Variants in SORCS3 observed in about 807,000 individuals in gnomAD.
SORCS3 encodes the protein sortilin related VPS10 domain containing receptor 3, also known as VPS10 domain-containing receptor SorCS3.
In SORCS3, 57 loss-of-function variants were observed where a neutral mutation model predicts 146.3. The observed-to-expected ratio is 0.39, with a 90% CI of 0.31 to 0.49. The LOEUF is 0.49. Among genes scored for constraint, SORCS3 ranks in the 20% least tolerant of loss-of-function variants. The pLI is 0.92. For missense variants in SORCS3, 1,341 were observed against 1,575.5 expected, an observed-to-expected ratio of 0.85 and a Z score of 2.52; for synonymous variants, 653 against 618.5, an observed-to-expected ratio of 1.06 and a Z score of -0.83.
At chr10:104,753,206 C>T (rs1301703221) in intron 1 of SORCS3, among the ~76,000 whole-genome samples, 1 of 152,122 alleles carries the variant, frequency 6.6e-6, no homozygotes, top group Non-Finnish European at 1.5e-5. Flanking sequence ...TTGGGTCTTC[C>T]CCACAGAAGA....
At chr10:104,941,791 T>C (rs2019322648) in intron 3 of SORCS3, among the ~76,000 whole-genome samples, 1 of 151,340 alleles carries the variant, frequency 6.6e-6, no homozygotes, top group Admixed American at 6.6e-5. Flanking sequence ...CCTCTTTCTC[T>C]TCTTGCTCTG....
At chr10:104,855,080 T>A (rs1279671615) in intron 2 of SORCS3, among the ~76,000 whole-genome samples, 1 of 152,184 alleles carries the variant, frequency 6.6e-6, no homozygotes, top group East Asian at 1.9e-4. Flanking sequence ...TACATATGAG[T>A]GCAGTTTATC....
intron 5 of SORCS3, among the ~76,000 whole-genome samples, chr10:105,046,847 C>T (rs147286357): frequency 3.6e-4 from 55 of 152,160 alleles, no homozygotes; most frequent in African/African-American, 1.3e-3. Context: ...TCACTTGATA[C>T]CTGGTCACCA....
At chr10:104,913,264 A>C (rs1392468479) in intron 2 of SORCS3, among the ~76,000 whole-genome samples, 2 of 152,144 alleles carry the variant, frequency 1.3e-5, no homozygotes, top group African/African-American at 2.4e-5. Flanking sequence ...AAGAGCATCA[A>C]ATTGGGGGAT....
chr10:104,926,089 G>A (rs553716878), intron 3 of SORCS3, among the ~76,000 whole-genome samples: 11 of 152,298 alleles, frequency 7.2e-5, no homozygotes, highest in African/African-American at 2.6e-4. Flanking sequence ...GTGGCTGCTG[G>A]GCCTCCCCTC....
intron 1 of SORCS3, among the ~76,000 whole-genome samples, chr10:104,841,711 C>T (rs1394258222): frequency 6.6e-6 from 1 of 151,876 alleles, no homozygotes; most frequent in Non-Finnish European, 1.5e-5. Context: ...AAAGTCCCAT[C>T]TCGGTAGCAG....
intron 1 of SORCS3, among the ~76,000 whole-genome samples, chr10:104,710,175 C>G (rs1402116385): frequency 6.6e-6 from 1 of 152,144 alleles, no homozygotes; most frequent in Non-Finnish European, 1.5e-5. Flanking sequence ...CCAACGTCTT[C>G]CCATCTTTCA....
intron 2 of SORCS3, among the ~76,000 whole-genome samples, chr10:104,875,202 C>G (rs1460082391): frequency 1.3e-5 from 2 of 152,186 alleles, no homozygotes; most frequent in Non-Finnish European, 2.9e-5. Flanking sequence ...TATTTCCAAG[C>G]CAAGAGTGTT....
chr10:105,014,998 T>C (rs2055156966), intron 4 of SORCS3, among the ~76,000 whole-genome samples: 1 of 152,198 alleles, frequency 6.6e-6, no homozygotes, highest in African/African-American at 2.4e-5. Flanking sequence ...GCAGTCTAAA[T>C]GGACTACGAC....
At chr10:105,176,531 C>T (rs184890797) in intron 13 of SORCS3, among the ~76,000 whole-genome samples, 1 of 151,732 alleles carries the variant, frequency 6.6e-6, no homozygotes, top group Non-Finnish European at 1.5e-5. Context: ...CCAGCCTGAG[C>T]AACAGAGTGA....
chr10:104,872,908 C>T (rs2018533400), intron 2 of SORCS3, among the ~76,000 whole-genome samples: 1 of 152,204 alleles, frequency 6.6e-6, no homozygotes, highest in African/African-American at 2.4e-5. Context: ...CATCATTTGC[C>T]ATGCGTGAAA....
chr10:104,963,229 G>C (rs757924716), intron 3 of SORCS3, among the ~76,000 whole-genome samples: 2 of 152,100 alleles, frequency 1.3e-5, no homozygotes, highest in Admixed American at 1.3e-4. Context: ...TAAGAGTCTC[G>C]TTCCATATTG....
At chr10:105,241,960 G>C (rs1490675186) in intron 20 of SORCS3, among the ~76,000 whole-genome samples, 1 of 152,052 alleles carries the variant, frequency 6.6e-6, no homozygotes, top group Non-Finnish European at 1.5e-5. Flanking sequence ...GCACCAAACA[G>C]GGAGAAAAGT....
intron 4 of SORCS3, among the ~76,000 whole-genome samples, chr10:105,012,399 G>T (rs1266936758): frequency 6.6e-6 from 1 of 152,160 alleles, no homozygotes; most frequent in Non-Finnish European, 1.5e-5. Flanking sequence ...TGGATGGTTT[G>T]TCAAGGTCTT....
chr10:104,761,419 A>G (rs2017121199), intron 1 of SORCS3, among the ~76,000 whole-genome samples: 1 of 152,196 alleles, frequency 6.6e-6, no homozygotes, highest in South Asian at 2.1e-4. Context: ...AGGCAAGAAA[A>G]TAGATACAGG....
rs1444821809 is a variant in SORCS3, at chr10:104,962,497, AG to A, written c.796-14834del. ...TTGGGGCAGCAGATTCTTACTCCAT[AG>A]GGGAGGTCAGTAACACCACTCCCTG... On this transcript the variant is annotated intron_variant, in intron 3 of 26. Transcript: ENST00000369701. 3.3e-5 allele frequency among the ~76,000 whole-genome samples: 5 copies of A among 152,122 alleles called. No individual in the cohort carries two copies. The East Asian group carries it at 9.6e-4, about 29-fold the overall frequency.
At chr10:105,161,089 A>G (rs2056258001) in intron 11 of SORCS3, among the ~76,000 whole-genome samples, 1 of 152,038 alleles carries the variant, frequency 6.6e-6, no homozygotes, top group South Asian at 2.1e-4. Context: ...GACATTAAAG[A>G]TTTATTTTTG....
intron 1 of SORCS3, among the ~76,000 whole-genome samples, chr10:104,658,600 C>G (rs2015661192): frequency 6.6e-6 from 1 of 152,144 alleles, no homozygotes; most frequent in African/African-American, 2.4e-5. Flanking sequence ...GGTGATCCAC[C>G]CACCTTGGCC....
chr10:105,040,660 T>G (rs1179404060), intron 4 of SORCS3, among the ~76,000 whole-genome samples: 1 of 152,156 alleles, frequency 6.6e-6, no homozygotes, highest in Non-Finnish European at 1.5e-5. Flanking sequence ...ATGGGTTTTG[T>G]GTACTATGTA....
Sources: gnomAD v4.1 joint callset for allele counts (sites outside exome capture counted in the v4.1 genomes callset) on GRCh38, gnomAD v4.1.1 for gene constraint, MANE v1.5 for transcripts, NCBI Gene and HGNC (gene_info 2026-07-23, HGNC 2026-07-21) for gene names.